Variants in VPS39 observed in about 807,000 individuals in gnomAD.
The protein encoded by VPS39 is VPS39 subunit of HOPS complex.
Under a neutral mutation model 121.0 loss-of-function variants are expected in VPS39, and 70 were observed. The ratio of observed to expected loss-of-function variants is 0.58; its 90% CI spans 0.48 to 0.71. VPS39 has a LOEUF of 0.71. Among genes scored for constraint, VPS39 ranks in the 30% least tolerant of loss-of-function variants. The probability of loss-of-function intolerance (pLI) is 0.00; values close to 1 mark genes in which losing one functional copy is unlikely to be tolerated. For missense variants in VPS39, 818 were observed against 1,051.5 expected (o/e 0.78, Z 3.07); for synonymous variants, 378 against 398.1 (o/e 0.95, Z 0.60).
chr15:42,199,863 A>G, intron 2 of VPS39, 33 bp downstream of exon 2: 1 of 1,556,906 alleles, frequency 6.4e-7, no homozygotes, highest in Non-Finnish European at 8.6e-7. Context: ...GACTATTAAA[A>G]CTTATTTTTT....
chr15:42,180,335 C>T (rs1328033681), intron 8 of VPS39, among the ~76,000 whole-genome samples: 1 of 152,182 alleles, frequency 6.6e-6, no homozygotes. Flanking sequence ...TGATCCAGTA[C>T]AAATTATTGG....
Position 42,166,540 on chromosome 15 carries a change from C to T in VPS39, c.1606+23G>A, listed in dbSNP as rs778423797. 9 of 1,613,480 alleles carry T rather than the reference C, an allele frequency of 5.6e-6. No individual in the cohort carries two copies. In the South Asian group the frequency reaches 7.7e-5, roughly 14 times the overall value. ...TCATTTGAACAGGAGCGCTTTCCCA[C>T]CCCTTTCAAAAGGCGGACTTACCCA... On this transcript the variant is annotated intron_variant, in intron 15 of 24. Transcript: ENST00000318006.
intron 1 of VPS39, among the ~76,000 whole-genome samples, chr15:42,207,600 A>G (rs1478702903): frequency 6.6e-6 from 1 of 152,186 alleles, no homozygotes; most frequent in Admixed American, 6.5e-5. Flanking sequence ...GGAATGAGAA[A>G]TGAACGAATG....
intron 1 of VPS39, among the ~76,000 whole-genome samples, chr15:42,200,877 G>C (rs2050052728): frequency 6.6e-6 from 1 of 152,182 alleles, no homozygotes; most frequent in African/African-American, 2.4e-5. Context: ...ACAATGAAAA[G>C]AAAGGAAGTA....
At chr15:42,203,658 TA>T (rs982898033) in intron 1 of VPS39, among the ~76,000 whole-genome samples, 1 of 151,884 alleles carries the variant, frequency 6.6e-6, no homozygotes, top group Non-Finnish European at 1.5e-5. Flanking sequence ...AAAAATTAAT[TA>T]AAAAAATAAA....
At chr15:42,199,797 T>C in intron 2 of VPS39, 99 bp downstream of exon 2, 2 of 1,354,204 alleles carry the variant, frequency 1.5e-6, no homozygotes, top group Admixed American at 2.5e-5. Context: ...CCCTCTAACC[T>C]TCAATCTCTC....
chr15:42,174,753 C>G (rs1316371666), intron 10 of VPS39, among the ~76,000 whole-genome samples: 1 of 152,058 alleles, frequency 6.6e-6, no homozygotes, highest in East Asian at 1.9e-4. Flanking sequence ...GTGGGCAGAT[C>G]ACCTCAGGTC....
At chr15:42,167,622 A>G (rs2049271085) in intron 12 of VPS39, 85 bp from the exon 13 acceptor site, 2 of 1,540,034 alleles carry the variant, frequency 1.3e-6, no homozygotes, top group South Asian at 1.3e-5. Flanking sequence ...AATACCTCCA[A>G]TCAGCTCATG....
intron 10 of VPS39, among the ~76,000 whole-genome samples, chr15:42,175,437 A>AT (rs1385452914): frequency 6.6e-6 from 1 of 151,906 alleles, no homozygotes; most frequent in East Asian, 1.9e-4. Flanking sequence ...AAGAAAAAAA[A>AT]CAGAAAGCCA....
At chr15:42,199,108 A>G (rs1358088198) in intron 2 of VPS39, among the ~76,000 whole-genome samples, 2 of 152,128 alleles carry the variant, frequency 1.3e-5, no homozygotes, top group Non-Finnish European at 2.9e-5. Context: ...ATTATATTGA[A>G]GGGTATGAAA....
At position 42,189,819 on chromosome 15, in the gene VPS39, T is replaced by TTTTTTC. The variant is rs376361986; in HGVS notation, c.248-612_248-611insGAAAAA. The stretch of plus-strand genomic sequence containing the variant: ...CTTTTTTTTTTTTTTTTTTTTTTTT[T>TTTTTTC]TGAGGCACGGTCTCACTCTGTTGCC... On this transcript the variant is annotated intron_variant, in intron 4 of 24. Coordinates refer to ENST00000318006, the MANE Select transcript of VPS39 (RefSeq NM_015289.5). 2.8e-4 allele frequency among the ~76,000 whole-genome samples: 23 copies of TTTTTTC among 82,700 alleles called. 4 individuals are homozygous for TTTTTTC. The highest frequency in any genetic ancestry group is 4.8e-4 in the East Asian group (1 of 2,086). The allele number at this position is 82,700 out of a possible 152,430, so 54.3% of individuals were successfully genotyped here.
At chr15:42,176,239 A>G (rs1049314190) in intron 10 of VPS39, among the ~76,000 whole-genome samples, 2 of 152,214 alleles carry the variant, frequency 1.3e-5, no homozygotes, top group Non-Finnish European at 2.9e-5. Flanking sequence ...CCTTTCTGCT[A>G]AGAAAAATAG....
At position 42,164,386 on chromosome 15, in the gene VPS39, G is replaced by A. The variant is rs1227997681; in HGVS notation, c.1998C>T (p.Gly666=). 6.2e-7 allele frequency: 1 copy of A among 1,614,014 alleles called. No homozygotes were observed. The highest frequency in any genetic ancestry group is 1.3e-5 in the African/African-American group (1 of 74,930). The change falls in exon 19 of 25, where the codon GGC becomes GGT. Residue 666 remains glycine (G), a synonymous_variant. Transcript: ENST00000318006. The stretch of plus-strand genomic sequence containing the variant: ...CAAAGGGAAAATCACAGATGAGCCG[G>A]CCTGGATCATAGTAGCTGGAAATCT... ...FLEISSYYDP[G]RLICDFPFDG...
In VPS39 at chr15:42,187,874, G is replaced by A. The variant is rs2049737893; in HGVS notation, c.343-18C>T. The A allele has an allele frequency of 1.2e-6, 2 of 1,608,824 alleles. No individual in the cohort carries two copies. Among genetic ancestry groups the A allele is most frequent in the East Asian group, 4.5e-5 (2 of 44,864 alleles). ...TCTGTGTGCTGGGAGGAGACATGCA[G>A]AGCAAATGAAAATACAATGACTCTC... On this transcript the variant is annotated intron_variant, in intron 5 of 24. Transcript: ENST00000318006.
At chr15:42,191,372 C>A in intron 3 of VPS39, 124 bp downstream of exon 3, 1 of 1,106,374 alleles carries the variant, frequency 9.0e-7, no homozygotes, top group South Asian at 1.4e-5. Flanking sequence ...AGCAGACACT[C>A]CTGCATAAAT....
chr15:42,174,018 C>T lies in VPS39; in HGVS notation c.961-166G>A, dbSNP rs143391507. Among the ~76,000 whole-genome samples the T allele has an allele frequency of 7.5e-3, 1,137 of 152,172 alleles. 11 individuals are homozygous for T. Among genetic ancestry groups the T allele is most frequent in the African/African-American group, 0.026 (1,093 of 41,514 alleles). On this transcript the variant is annotated intron_variant, in intron 10 of 24. Coordinates refer to ENST00000318006, the MANE Select transcript of VPS39 (RefSeq NM_015289.5). Reference sequence around the variant, plus strand: ...ATCCCAGCACTTTGGGAGGCCGAGGCGGGCGGATCACAAGGTCAGGAGATT... The same window carrying T: ...ATCCCAGCACTTTGGGAGGCCGAGGTGGGCGGATCACAAGGTCAGGAGATT...
intron 2 of VPS39, among the ~76,000 whole-genome samples, chr15:42,197,981 G>T (rs1247304375): frequency 1.3e-5 from 2 of 152,160 alleles, no homozygotes; most frequent in Non-Finnish European, 2.9e-5. Context: ...TTTCAAATCA[G>T]AATTTGATTT....
At chr15:42,186,161 AGGCAT>A (rs746102450) in intron 7 of VPS39, among the ~76,000 whole-genome samples, 18 of 152,100 alleles carry the variant, frequency 1.2e-4, no homozygotes, top group Non-Finnish European at 2.4e-4. Context: ...CAATGGGGCC[AGGCAT>A]GGTGGCTGTA....
In VPS39 at chr15:42,162,180, C is replaced by T; in HGVS notation, c.2326-14G>A. On this transcript the variant is annotated splice_polypyrimidine_tract_variant and intron_variant, in intron 22 of 24. Coordinates refer to ENST00000318006, the MANE Select transcript of VPS39 (RefSeq NM_015289.5). ...AAGGTTGAGGGCCTAGGGACAGGAA[C>T]AGAGATAGGGACTGGGTGAGGTGAA... 1 of 1,614,098 alleles carries T rather than the reference C, an allele frequency of 6.2e-7. No homozygotes were observed. Among genetic ancestry groups the T allele is most frequent in the Non-Finnish European group, 8.5e-7 (1 of 1,179,978 alleles).
Sources: allele counts gnomAD v4.1 joint callset (sites outside exome capture counted in the v4.1 genomes callset), GRCh38; gene constraint gnomAD v4.1.1; transcripts MANE v1.5; gene names NCBI Gene and HGNC (gene_info 2026-07-23, HGNC 2026-07-21).